The following INTU variants were observed in gnomAD, a reference collection of about 807,000 sequenced individuals.
INTU encodes the protein inturned planar cell polarity protein, also known as protein inturned.
A neutral mutation model predicts 100.5 loss-of-function variants in INTU; 68 were observed. The ratio of observed to expected loss-of-function variants is 0.68; its 90% CI spans 0.56 to 0.83. The LOEUF is 0.83. Among genes scored for constraint, INTU ranks in the 40% least tolerant of loss-of-function variants. The probability of loss-of-function intolerance (pLI) is 0.00; values close to 1 mark genes in which losing one functional copy is unlikely to be tolerated. For synonymous variants in INTU, 357 were observed against 395.7 expected (o/e 0.90, Z 1.16); for missense variants, 1,071 against 1,114.7 (o/e 0.96, Z 0.56).
At chr4:127,666,163 A>G (rs1728687918) in intron 4 of INTU, among the ~76,000 whole-genome samples, 2 of 152,020 alleles carry the variant, frequency 1.3e-5, no homozygotes, top group African/African-American at 4.8e-5. Context: ...AAGTTTCTGA[A>G]TAGTGCTTAA....
chr4:127,667,626 T>A (rs1008135227), intron 4 of INTU, among the ~76,000 whole-genome samples: 4 of 152,066 alleles, frequency 2.6e-5, no homozygotes, highest in Admixed American at 2.6e-4. Context: ...AAGTAGTGTA[T>A]GGTATTTTGG....
Position 127,723,665 on chromosome 4 carries a change from GT to G in INTU, c.*7234del, listed in dbSNP as rs1182758591. 6.7e-6 allele frequency: 1 copy of G among 148,590 alleles called. No homozygotes were observed. Among genetic ancestry groups the G allele is most frequent in the Non-Finnish European group, 1.5e-5 (1 of 66,984 alleles). 9.2% of individuals were successfully genotyped at this position (148,590 alleles called of 1,614,324 possible). ...TTGTCAACTTTATTTTTTTTTGTTTGTTTTTGTTAAAATACATTCAGCGGCT... is the reference window on the plus strand; with the variant it reads ...TTGTCAACTTTATTTTTTTTTGTTTGTTTTGTTAAAATACATTCAGCGGCT... On this transcript the variant is annotated 3_prime_UTR_variant, in exon 16 of 16. Transcript: ENST00000335251.
At chr4:127,683,313 A>G (rs1212084332) in intron 6 of INTU, among the ~76,000 whole-genome samples, 1 of 152,146 alleles carries the variant, frequency 6.6e-6, no homozygotes, top group Non-Finnish European at 1.5e-5. Flanking sequence ...CCTTCTCTTA[A>G]ATGCTCACAC....
chr4:127,684,710 T>C (rs556941733), intron 7 of INTU, among the ~76,000 whole-genome samples: 1 of 151,848 alleles, frequency 6.6e-6, no homozygotes, highest in Non-Finnish European at 1.5e-5. Context: ...CTTCTTTTTC[T>C]CCTTCCTCTT....
intron 5 of INTU, among the ~76,000 whole-genome samples, chr4:127,669,391 C>G (rs1475037933): frequency 6.6e-6 from 1 of 151,684 alleles, no homozygotes; most frequent in Non-Finnish European, 1.5e-5. Flanking sequence ...TACCAGTCAT[C>G]TATTTGAAGT....
intron 6 of INTU, among the ~76,000 whole-genome samples, chr4:127,675,560 C>T (rs1449454814): frequency 1.3e-5 from 2 of 152,130 alleles, no homozygotes; most frequent in East Asian, 3.8e-4. Context: ...GTTCAGGAAT[C>T]CAGGAGTAAT....
rs748793652 is a variant in INTU, at chr4:127,633,113, G to A, written c.79G>A (p.Glu27Lys). 3 of 1,614,126 alleles carry A rather than the reference G, an allele frequency of 1.9e-6. No individual in the cohort carries two copies. In the South Asian group the frequency reaches 3.3e-5, roughly 18 times the overall value. Residue 27 changes from glutamate (E) to lysine (K), a missense_variant, in exon 1 of 16, where the codon GAG becomes AAG. Physicochemically the swap from Glu to Lys is moderately conservative, Grantham distance 56. Transcript: ENST00000335251. ...AGACCCCTCTTCACAAGAAGAAGAT[G>A]AGGACTATGATTTTGAAGATCGGGT... ...PGDPSSQEED[E>K]DYDFEDRVSD...
chr4:127,651,813 A>C (rs1210242966), intron 2 of INTU, among the ~76,000 whole-genome samples: 1 of 151,186 alleles, frequency 6.6e-6, no homozygotes, highest in Non-Finnish European at 1.5e-5. Context: ...CTTGGGCAGT[A>C]TGGCCATTTT....
intron 2 of INTU, among the ~76,000 whole-genome samples, chr4:127,656,284 G>A (rs7655450): frequency 0.02 from 3,014 of 152,226 alleles, 101 homozygotes; most frequent in African/African-American, 0.069. Context: ...GTTAGATTCA[G>A]TTTTGTCAAG....
chr4:127,690,867 T>G (rs1427915689), intron 8 of INTU, among the ~76,000 whole-genome samples: 1 of 152,074 alleles, frequency 6.6e-6, no homozygotes, highest in Non-Finnish European at 1.5e-5. Context: ...CCAAAGTCCA[T>G]CATTTACATT....
At chr4:127,692,412 C>G (rs114120735) in intron 8 of INTU, among the ~76,000 whole-genome samples, 1,815 of 152,220 alleles carry the variant, frequency 0.012, 16 homozygotes, top group South Asian at 0.038. Context: ...CCGTTCATCT[C>G]CTTAGCCCAC....
In INTU at chr4:127,648,768, A is replaced by G. The variant is rs117355205; in HGVS notation, c.682+4712A>G. Among the ~76,000 whole-genome samples the G allele has an allele frequency of 3.6e-4, 55 of 151,770 alleles. No homozygotes were observed. In the East Asian group the frequency reaches 0.01, roughly 28 times the overall value. On this transcript the variant is annotated intron_variant, in intron 2 of 15. Transcript: ENST00000335251. ...TCACTACAGCTATAAGTAATTTGAT[A>G]TAGTACTTTTGTTTAATCTCTTATA...
chr4:127,676,922 A>T (rs1285945622), intron 6 of INTU, among the ~76,000 whole-genome samples: 3 of 152,178 alleles, frequency 2.0e-5, no homozygotes, highest in Non-Finnish European at 4.4e-5. Context: ...CAACAGGCTT[A>T]AAAAAAGGCG....
At chr4:127,707,121 C>A in intron 12 of INTU, 152 bp downstream of exon 12, 1 of 996,704 alleles carries the variant, frequency 1.0e-6, no homozygotes, top group Non-Finnish European at 1.5e-6. Flanking sequence ...TGATTTTGAA[C>A]CAAAAAGAAA....
Position 127,668,845 on chromosome 4 carries a change from G to A in INTU, c.973-191G>A, listed in dbSNP as rs147617682. ...TCGGCAGTCTCTAACTTATTTTCAA[G>A]TGTAGTCTTTTACATGCTAGTTAAT... On this transcript the variant is annotated intron_variant, in intron 4 of 15. Coordinates refer to ENST00000335251, the MANE Select transcript of INTU (RefSeq NM_015693.4). Among the ~76,000 whole-genome samples the A allele has an allele frequency of 5.3e-5, 8 of 151,864 alleles. No homozygotes were observed. The East Asian group carries it at 1.5e-3, about 29-fold the overall frequency.
chr4:127,682,533 G>A (rs1553980322), intron 6 of INTU, among the ~76,000 whole-genome samples: 1 of 145,120 alleles, frequency 6.9e-6, no homozygotes, highest in Non-Finnish European at 1.5e-5. Context: ...CTCATAGGTG[G>A]GAATTGAACA....
rs199643687 is a variant in INTU, at chr4:127,687,659, A to G, written c.1260-19A>G. 2.0e-4 allele frequency: 315 copies of G among 1,593,868 alleles called. 2 individuals are homozygous for G. Among genetic ancestry groups the G allele is most frequent in the Non-Finnish European group, 3.3e-5 (38 of 1,164,776 alleles). Reference sequence around the variant, plus strand: ...CCATTTCCATATGTCGTTCTAACTTACAGCTCTTATTTCTCCAGTGCCTTT... The same window carrying G: ...CCATTTCCATATGTCGTTCTAACTTGCAGCTCTTATTTCTCCAGTGCCTTT... On this transcript the variant is annotated intron_variant, in intron 7 of 15. Transcript: ENST00000335251.
chr4:127,705,058 C>T (rs1730819417), intron 10 of INTU, among the ~76,000 whole-genome samples: 1 of 151,680 alleles, frequency 6.6e-6, no homozygotes, highest in South Asian at 2.1e-4. Flanking sequence ...TGCCACTGCA[C>T]TCCAGCCTGG....
At position 127,682,082 on chromosome 4, in the gene INTU, A is replaced by G. The variant is rs569314462; in HGVS notation, c.1182-2327A>G. Among the ~76,000 whole-genome samples the G allele has an allele frequency of 5.8e-4, 88 of 151,968 alleles. 1 individual carries two copies. Among genetic ancestry groups the G allele is most frequent in the African/African-American group, 1.9e-3 (79 of 41,226 alleles). The stretch of plus-strand genomic sequence containing the variant: ...CCGTCTCACACCAGTTAGAATGGCA[A>G]TGATTAAAAAGTCAGGAAACAACAG... On this transcript the variant is annotated intron_variant, in intron 6 of 15. Transcript: ENST00000335251.
Sources: allele counts gnomAD v4.1 joint callset (sites outside exome capture counted in the v4.1 genomes callset), GRCh38; gene constraint gnomAD v4.1.1; transcripts MANE v1.5; gene names NCBI Gene and HGNC (gene_info 2026-07-23, HGNC 2026-07-21).